SUGT1: variants seen among roughly 807,000 people sequenced by gnomAD.
SUGT1 encodes SGT1 assembly cochaperone of MIS12 kinetochore complex.
A neutral mutation model predicts 56.1 loss-of-function variants in SUGT1; 15 were observed. The ratio of observed to expected loss-of-function variants is 0.27; its 90% CI spans 0.18 to 0.41. SUGT1 has a LOEUF of 0.41. Among genes scored for constraint, SUGT1 ranks in the 10% least tolerant of loss-of-function variants. SUGT1 has a pLI of 1.00. For missense variants in SUGT1, 347 were observed against 382.2 expected, an observed-to-expected ratio of 0.91 and a Z score of 0.77; for synonymous variants, 123 against 128.6, an observed-to-expected ratio of 0.96 and a Z score of 0.30.
rs553691734 is a variant in SUGT1 at position 52,655,362 on chromosome 13, C to A, written c.97-2170C>A. ...CCATCAAAGGCATTAAATCCCAGCACAGGGTTTTCAGTTTTATCATATGAT... is the reference window on the plus strand; with the variant it reads ...CCATCAAAGGCATTAAATCCCAGCAAAGGGTTTTCAGTTTTATCATATGAT... On this transcript the variant is annotated intron_variant, in intron 2 of 12. Coordinates refer to ENST00000310528, the MANE Select transcript of SUGT1 (RefSeq NM_006704.5). 8.5e-5 allele frequency among the ~76,000 whole-genome samples: 13 copies of A among 152,260 alleles called. No homozygotes were observed. In the East Asian group the frequency reaches 1.2e-3, roughly 14 times the overall value.
At chr13:52,656,321 C>G (rs556009770) in intron 2 of SUGT1, among the ~76,000 whole-genome samples, 2 of 152,240 alleles carry the variant, frequency 1.3e-5, no homozygotes. Context: ...TAGCAAGTCT[C>G]TCTGCTTCTA....
At chr13:52,671,740 G>C (rs1962950485) in intron 10 of SUGT1, among the ~76,000 whole-genome samples, 1 of 152,112 alleles carries the variant, frequency 6.6e-6, no homozygotes, top group South Asian at 2.1e-4. Flanking sequence ...AGGGCCTACT[G>C]TTCTCATTTT....
intron 10 of SUGT1, among the ~76,000 whole-genome samples, chr13:52,668,704 A>G (rs1962814492): frequency 6.6e-6 from 1 of 152,078 alleles, no homozygotes; most frequent in African/African-American, 2.4e-5. Flanking sequence ...TAGATTTGAG[A>G]GGGATATAGT....
At chr13:52,680,560 C>T (rs563509906) in intron 12 of SUGT1, among the ~76,000 whole-genome samples, 2 of 152,246 alleles carry the variant, frequency 1.3e-5, no homozygotes, top group Non-Finnish European at 2.9e-5. Context: ...ATTGGTTTAA[C>T]AACTCTCTTG....
At chr13:52,666,708 A>C in intron 9 of SUGT1, 104 bp from the exon 10 acceptor site, 1 of 775,868 alleles carries the variant, frequency 1.3e-6, no homozygotes, top group Non-Finnish European at 2.1e-6. Flanking sequence ...ATAATGTTTA[A>C]AATAATTTGT....
In SUGT1 at chr13:52,658,287, T is replaced by C. The variant is rs1962258489; in HGVS notation, c.188-112T>C. On this transcript the variant is annotated intron_variant, in intron 3 of 12. Coordinates refer to ENST00000310528, the MANE Select transcript of SUGT1 (RefSeq NM_006704.5). ...ATTAGCTTTTCCTAATTTAAAACCA[T>C]TTGGCATTTCTACCAACTTGAAAAC... 5 of 1,552,288 alleles carry C rather than the reference T, an allele frequency of 3.2e-6. 1 individual carries two copies. Among genetic ancestry groups the C allele is most frequent in the Non-Finnish European group, 2.6e-6 (3 of 1,151,442 alleles).
In SUGT1 at chr13:52,687,999, T is replaced by G; in HGVS notation, c.*164T>G. ...TTTTCCTTCAAGTGTTCAAGTCTAA[T>G]GAAGAATGAAGATAACATTTTATCA... On this transcript the variant is annotated 3_prime_UTR_variant, in exon 13 of 13. Transcript: ENST00000310528. 1 of 448,406 alleles carries G rather than the reference T, an allele frequency of 2.2e-6. No individual in the cohort carries two copies. Among genetic ancestry groups the G allele is most frequent in the Non-Finnish European group, 3.9e-6 (1 of 257,772 alleles). 27.8% of individuals were successfully genotyped at this position (448,406 alleles called of 1,614,324 possible).
At chr13:52,665,147 C>CT (rs1962642420) in intron 8 of SUGT1, among the ~76,000 whole-genome samples, 1 of 152,128 alleles carries the variant, frequency 6.6e-6, no homozygotes, top group South Asian at 2.1e-4. Context: ...GTGCTCAAGT[C>CT]TATCTGCTTC....
intron 2 of SUGT1, among the ~76,000 whole-genome samples, chr13:52,654,753 T>C (rs986793910): frequency 1.3e-5 from 2 of 152,264 alleles, no homozygotes; most frequent in Admixed American, 6.5e-5. Context: ...ATTCATATTG[T>C]GTGAAGTAGT....
intron 10 of SUGT1, among the ~76,000 whole-genome samples, chr13:52,671,227 A>G (rs1962922735): frequency 1.3e-5 from 2 of 151,874 alleles, no homozygotes; most frequent in South Asian, 4.2e-4. Context: ...TTCTTTTTTA[A>G]CTGAATTAGT....
chr13:52,669,940 A>G (rs1962863944), intron 10 of SUGT1, among the ~76,000 whole-genome samples: 1 of 152,216 alleles, frequency 6.6e-6, no homozygotes, highest in African/African-American at 2.4e-5. Context: ...CAACAGTACT[A>G]AAATAATTTG....
intron 9 of SUGT1, among the ~76,000 whole-genome samples, 194 bp from the exon 10 acceptor site, chr13:52,666,618 T>A (rs188626348): frequency 2.0e-5 from 3 of 152,290 alleles, no homozygotes; most frequent in Non-Finnish European, 2.9e-5. Flanking sequence ...TAAGAATTCA[T>A]GTCAAGGATA....
In SUGT1 at chr13:52,695,387, C is replaced by A. The variant is rs900848535; in HGVS notation, c.*7552C>A. The A allele has an allele frequency of 3.3e-5, 5 of 152,144 alleles. No homozygotes were observed. Among genetic ancestry groups the A allele is most frequent in the African/African-American group, 1.2e-4 (5 of 41,512 alleles). 9.4% of individuals were successfully genotyped at this position (152,144 alleles called of 1,614,324 possible). On this transcript the variant is annotated 3_prime_UTR_variant, in exon 13 of 13. Transcript: ENST00000310528. ...ACTTATGAATCTAGACTCTTAAAAT[C>A]CCAGTTCTGATACTTTCATAATTGT... is the stretch of plus-strand genomic sequence containing the variant.
Position 52,700,634 on chromosome 13 carries a change from T to G in SUGT1, c.*12799T>G, listed in dbSNP as rs1964054637. 1 of 152,196 alleles carries G rather than the reference T, an allele frequency of 6.6e-6. No individual in the cohort carries two copies. The highest frequency in any genetic ancestry group is 2.1e-4 in the South Asian group (1 of 4,832). 9.4% of individuals were successfully genotyped at this position (152,196 alleles called of 1,614,324 possible). ...GCCTGTAAAATGTTTTTGCTGAAATTTGTATCATTAACTCTCAAATTTACA... is the reference window on the plus strand; with the variant it reads ...GCCTGTAAAATGTTTTTGCTGAAATGTGTATCATTAACTCTCAAATTTACA... On this transcript the variant is annotated 3_prime_UTR_variant, in exon 13 of 13. Transcript: ENST00000310528.
intron 3 of SUGT1, chr13:52,658,151 G>A (rs1962252859): frequency 2.1e-6 from 3 of 1,419,778 alleles, no homozygotes; most frequent in Non-Finnish European, 2.8e-6. Flanking sequence ...AATGAGACAA[G>A]GAGGTGAATT....
At position 52,664,060 on chromosome 13, in the gene SUGT1, G is replaced by T; in HGVS notation, c.422+3G>T. The T allele has an allele frequency of 1.2e-6, 2 of 1,612,928 alleles. No individual in the cohort carries two copies. Among genetic ancestry groups the T allele is most frequent in the South Asian group, 2.2e-5 (2 of 90,940 alleles). Reference sequence around the variant, plus strand: ...TGGACTCATCAGTCAAAAATCAAGTGAGTGTTTCTTTTTCATAAAACAATG... The same window carrying T: ...TGGACTCATCAGTCAAAAATCAAGTTAGTGTTTCTTTTTCATAAAACAATG... On this transcript the variant is annotated splice_donor_region_variant and intron_variant, in intron 8 of 12. Coordinates refer to ENST00000310528, the MANE Select transcript of SUGT1 (RefSeq NM_006704.5).
In SUGT1 at chr13:52,652,920, G is replaced by A. The variant is rs552841415; in HGVS notation, c.-1G>A. The A allele has an allele frequency of 1.9e-6, 3 of 1,613,852 alleles. No individual in the cohort carries two copies. Among genetic ancestry groups the A allele is most frequent in the Non-Finnish European group, 8.5e-7 (1 of 1,179,866 alleles). On this transcript the variant is annotated 5_prime_UTR_variant, in exon 1 of 13. Coordinates refer to ENST00000310528, the MANE Select transcript of SUGT1 (RefSeq NM_006704.5). ...GGCGGCAGCAACAGCGACTACGAGG[G>A]ATGGCGGCGGCTGCAGCAGGAACTG... is the stretch of plus-strand genomic sequence containing the variant.
At chr13:52,665,609 AC>A in intron 8 of SUGT1, 27 bp from the exon 9 acceptor site, 2 of 1,473,458 alleles carry the variant, frequency 1.4e-6, no homozygotes, top group South Asian at 2.6e-5. Context: ...TAGAAGAGTT[AC>A]CTAAGTTTCT....
Position 52,666,885 on chromosome 13 carries a change from C to G in SUGT1, c.593C>G (p.Pro198Arg). 6.2e-7 allele frequency: 1 copy of G among 1,612,964 alleles called. No homozygotes were observed. Among genetic ancestry groups the G allele is most frequent in the Non-Finnish European group, 8.5e-7 (1 of 1,179,506 alleles). Residue 198 changes from proline to arginine, a missense_variant, in exon 10 of 13, where the codon CCA becomes CGA. Coordinates refer to ENST00000310528, the MANE Select transcript of SUGT1 (RefSeq NM_006704.5). ...LKLELLHPII[P>R]EQSTFKVLST... ...CTGGAACTTCTTCATCCTATAATAC[C>G]AGAACAGAGCACGTTTAAAGTACTT...
Sources: gnomAD v4.1 joint callset for allele counts (sites outside exome capture counted in the v4.1 genomes callset) on GRCh38, gnomAD v4.1.1 for gene constraint, MANE v1.5 for transcripts, NCBI Gene and HGNC (gene_info 2026-07-23, HGNC 2026-07-21) for gene names.